The following AFAP1L2 variants were observed in gnomAD, a reference collection of about 807,000 sequenced individuals.
AFAP1L2 encodes actin filament associated protein 1 like 2.
In AFAP1L2, 46 loss-of-function variants were observed where a neutral mutation model predicts 99.3. The ratio of observed to expected loss-of-function variants is 0.46; its 90% CI spans 0.37 to 0.59. AFAP1L2 has a LOEUF of 0.59. Ranked by LOEUF, AFAP1L2 falls within the 20% of genes least tolerant of loss-of-function variation. The probability of loss-of-function intolerance (pLI) is 0.00; values close to 1 mark genes in which losing one functional copy is unlikely to be tolerated. For missense variants in AFAP1L2, 959 were observed against 1,034.9 expected (o/e 0.93, Z 1.01); for synonymous variants, 397 against 419.1 (o/e 0.95, Z 0.64).
chr10:114,356,566 CAT>C (rs2051423229), intron 1 of AFAP1L2, among the ~76,000 whole-genome samples: 1 of 152,128 alleles, frequency 6.6e-6, no homozygotes, highest in South Asian at 2.1e-4. Flanking sequence ...ATTAAAATTA[CAT>C]ATGTGTTTTA....
chr10:114,350,400 G>A (rs1259796630), intron 1 of AFAP1L2, among the ~76,000 whole-genome samples: 1 of 152,162 alleles, frequency 6.6e-6, no homozygotes, highest in Non-Finnish European at 1.5e-5. Flanking sequence ...TGTGGGTAGG[G>A]ACTATATCTT....
chr10:114,288,296 C>T, the AFAP1L2 span, among the ~76,000 whole-genome samples: 1 of 152,218 alleles, frequency 6.6e-6, no homozygotes, highest in Non-Finnish European at 1.5e-5. Context: ...CTTTTCCCTC[C>T]ACGCTGCCGA....
At chr10:114,290,203 C>T (rs1298095991), downstream of AFAP1L2, 4 of 1,548,082 alleles carry the variant, frequency 2.6e-6, no homozygotes, top group Admixed American at 7.9e-5. Context: ...TAACCCATGC[C>T]TGGCCGGCCT....
chr10:114,382,417 G>A (rs1590752323), intron 1 of AFAP1L2, among the ~76,000 whole-genome samples: 1 of 152,094 alleles, frequency 6.6e-6, no homozygotes, highest in African/African-American at 2.4e-5. Flanking sequence ...TGATCACATG[G>A]ACATAGAGAA....
At chr10:114,382,404 A>C (rs1463844564) in intron 1 of AFAP1L2, among the ~76,000 whole-genome samples, 2 of 152,158 alleles carry the variant, frequency 1.3e-5, no homozygotes, top group Non-Finnish European at 2.9e-5. Context: ...GAGCTAAAAA[A>C]GTTGATCACA....
In AFAP1L2 at chr10:114,331,844, C is replaced by A; in HGVS notation, c.274G>T (p.Ala92Ser). 1 of 1,393,716 alleles carries A rather than the reference C, an allele frequency of 7.2e-7. No individual in the cohort carries two copies. Among genetic ancestry groups the A allele is most frequent in the Non-Finnish European group, 9.4e-7 (1 of 1,065,096 alleles). The allele number at this position is 1,393,716 out of a possible 1,614,324, so 86.3% of individuals were successfully genotyped here. The change falls in exon 4 of 19, where the codon GCC (alanine) becomes TCC (serine). Residue 92 changes from alanine to serine, a missense_variant. Ala to Ser is a moderately conservative substitution (Grantham distance 99). Transcript: ENST00000304129. ...PNGEPSQHSSAPQKSLPDLPP... is the reference protein window; with the variant it reads ...PNGEPSQHSSSPQKSLPDLPP... ...AGGTCTGGAAGGCTCTTCTGAGGGG[C>A]CGAGGAGTGCTGGCTGGGCTCCCCA...
the AFAP1L2 span, chr10:114,289,441 G>A: frequency 3.1e-6 from 5 of 1,614,056 alleles, no homozygotes; most frequent in African/African-American, 2.7e-5. Context: ...GGCAGCTTAC[G>A]CCGACCTGCG....
At chr10:114,319,485 C>T (rs962676778) in intron 5 of AFAP1L2, 17 of 1,127,544 alleles carry the variant, frequency 1.5e-5, no homozygotes, top group Admixed American at 2.4e-5. Flanking sequence ...TGGCCACCCT[C>T]GGGACATGCA....
At chr10:114,343,992 C>G (rs995961133) in intron 1 of AFAP1L2, among the ~76,000 whole-genome samples, 41 of 152,108 alleles carry the variant, frequency 2.7e-4, no homozygotes. Context: ...ATGAAAGGAG[C>G]GTGATGATGG....
intron 10 of AFAP1L2, among the ~76,000 whole-genome samples, chr10:114,305,398 G>A (rs2042042305): frequency 7.6e-6 from 1 of 130,778 alleles, no homozygotes; most frequent in Non-Finnish European, 1.7e-5. Context: ...TGCAGGAGGG[G>A]ACGGCGCTGC....
upstream of AFAP1L2, chr10:114,404,594 C>A: frequency 7.8e-7 from 1 of 1,280,190 alleles, no homozygotes; most frequent in Non-Finnish European, 1.0e-6. Flanking sequence ...GCCGCCGCGC[C>A]CAGGGTCCTC....
intron 2 of AFAP1L2, among the ~76,000 whole-genome samples, chr10:114,335,408 C>G (rs7900396): frequency 3.3e-5 from 5 of 151,646 alleles, no homozygotes; most frequent in African/African-American, 1.2e-4. Context: ...GTCAGGAGAT[C>G]GAGACCATCC....
At chr10:114,369,582 G>A (rs1180022748) in intron 1 of AFAP1L2, among the ~76,000 whole-genome samples, 16 of 132,262 alleles carry the variant, frequency 1.2e-4, no homozygotes, top group African/African-American at 3.6e-4. Context: ...GCCACAGAGC[G>A]AGACTCCGAC....
chr10:114,355,422 T>G (rs1290298213), intron 1 of AFAP1L2, among the ~76,000 whole-genome samples: 4 of 152,022 alleles, frequency 2.6e-5, no homozygotes. Context: ...TTCTGACTGA[T>G]GCTCACATCC....
At chr10:114,381,990 G>A (rs893214780) in intron 1 of AFAP1L2, among the ~76,000 whole-genome samples, 1 of 152,098 alleles carries the variant, frequency 6.6e-6, no homozygotes, top group Non-Finnish European at 1.5e-5. Flanking sequence ...CCCCTTCTCT[G>A]GGGGCAAAGA....
At chr10:114,384,009 C>T (rs2056112587) in intron 1 of AFAP1L2, among the ~76,000 whole-genome samples, 1 of 152,228 alleles carries the variant, frequency 6.6e-6, no homozygotes, top group South Asian at 2.1e-4. Context: ...GCGCTTCTCC[C>T]TTGGCCCCAG....
intron 5 of AFAP1L2, among the ~76,000 whole-genome samples, chr10:114,316,220 G>C (rs894318752): frequency 6.6e-6 from 1 of 152,252 alleles, no homozygotes; most frequent in Admixed American, 6.5e-5. Context: ...GGCTCAGGAG[G>C]AAGAGAACGC....
chr10:114,382,838 G>A (rs972904476), intron 1 of AFAP1L2, among the ~76,000 whole-genome samples: 67 of 151,988 alleles, frequency 4.4e-4, no homozygotes, highest in Middle Eastern at 3.4e-3. Flanking sequence ...CAGGTGATCC[G>A]CTCGCCTCAG....
At chr10:114,308,603 C>T (rs1183388571) in intron 8 of AFAP1L2, 86 bp from the exon 9 acceptor site, 1 of 1,242,862 alleles carries the variant, frequency 8.0e-7, no homozygotes, top group Non-Finnish European at 1.2e-6. Context: ...TAATAGATGG[C>T]TCTTGGTTGT....
Sources: gnomAD v4.1 joint callset for allele counts (sites outside exome capture counted in the v4.1 genomes callset) on GRCh38, gnomAD v4.1.1 for gene constraint, MANE v1.5 for transcripts, NCBI Gene and HGNC (gene_info 2026-07-23, HGNC 2026-07-21) for gene names.